MAP3K13: variants seen among roughly 807,000 people sequenced by gnomAD.
MAP3K13 encodes the protein mitogen-activated protein kinase kinase kinase 13, also known as leucine zipper-bearing kinase.
A neutral mutation model predicts 104.0 loss-of-function variants in MAP3K13; 52 were observed. The observed-to-expected ratio is 0.50, with a 90% CI of 0.40 to 0.63. MAP3K13 has a LOEUF of 0.63. Among genes scored for constraint, MAP3K13 ranks in the 20% least tolerant of loss-of-function variants. The pLI, the probability that MAP3K13 is intolerant of heterozygous loss-of-function variation, is 0.00. For synonymous variants in MAP3K13, 394 were observed against 442.2 expected (o/e 0.89, Z 1.37); for missense variants, 914 against 1,218.5 (o/e 0.75, Z 3.72).
chr3:185,416,213 T>C (rs1234071975), intron 1 of MAP3K13, among the ~76,000 whole-genome samples: 1 of 152,144 alleles, frequency 6.6e-6, no homozygotes, highest in Non-Finnish European at 1.5e-5. Context: ...CCCCTCTTCT[T>C]AGCTCTCTTT....
At chr3:185,338,884 T>C (rs1577439984) in intron 2 of MAP3K13, among the ~76,000 whole-genome samples, 1 of 152,178 alleles carries the variant, frequency 6.6e-6, no homozygotes. Context: ...TTCTGGCCTG[T>C]TTAAAGCAAA....
chr3:185,333,758 TAGAA>T (rs1438435748), intron 2 of MAP3K13, among the ~76,000 whole-genome samples: 2 of 151,426 alleles, frequency 1.3e-5, no homozygotes, highest in African/African-American at 2.4e-5. Context: ...ATGAAAAAAA[TAGAA>T]AGAAAAAGAG....
At chr3:185,335,082 G>A (rs1722433043) in intron 2 of MAP3K13, among the ~76,000 whole-genome samples, 1 of 150,390 alleles carries the variant, frequency 6.6e-6, no homozygotes. Context: ...GATTTCTTGA[G>A]AAGGACACTA....
chr3:185,416,930 A>C (rs1713816425), intron 1 of MAP3K13, among the ~76,000 whole-genome samples: 1 of 151,946 alleles, frequency 6.6e-6, no homozygotes, highest in Non-Finnish European at 1.5e-5. Context: ...GCTATAAACC[A>C]AATTCTTTAA....
intron 12 of MAP3K13, among the ~76,000 whole-genome samples, chr3:185,478,386 C>G (rs1019287949): frequency 2.0e-5 from 3 of 152,182 alleles, no homozygotes; most frequent in Non-Finnish European, 4.4e-5. Flanking sequence ...CAGGAATTCC[C>G]TACAAACCAA....
intron 13 of MAP3K13, among the ~76,000 whole-genome samples, 153 bp downstream of exon 13, chr3:185,480,682 G>A (rs889832238): frequency 1.3e-4 from 20 of 152,168 alleles, no homozygotes; most frequent in Admixed American, 5.9e-4. Flanking sequence ...AACTACCTGA[G>A]ACTGGGTAAT....
chr3:185,293,257 A>G (rs1720808964), intron 2 of MAP3K13, among the ~76,000 whole-genome samples: 1 of 151,848 alleles, frequency 6.6e-6, no homozygotes, highest in African/African-American at 2.4e-5. Flanking sequence ...AGCTGGGACT[A>G]CAGGCACTCG....
At chr3:185,386,826 C>T (rs1462128998) in intron 1 of MAP3K13, among the ~76,000 whole-genome samples, 2 of 152,160 alleles carry the variant, frequency 1.3e-5, no homozygotes, top group African/African-American at 4.8e-5. Flanking sequence ...CACATGTTCT[C>T]ACTTATAAGT....
chr3:185,368,453 G>T (rs907821139), intron 1 of MAP3K13, among the ~76,000 whole-genome samples: 3 of 152,188 alleles, frequency 2.0e-5, no homozygotes, highest in African/African-American at 7.2e-5. Flanking sequence ...AAAGAGTAAG[G>T]TAAGTTAGAT....
intron 2 of MAP3K13, among the ~76,000 whole-genome samples, chr3:185,309,251 C>G (rs543922701): frequency 2.0e-5 from 3 of 152,204 alleles, no homozygotes; most frequent in African/African-American, 7.2e-5. Flanking sequence ...CTCTGTGATC[C>G]CAGCACTTTG....
At chr3:185,459,156 T>C (rs1716945896) in intron 7 of MAP3K13, among the ~76,000 whole-genome samples, 1 of 152,140 alleles carries the variant, frequency 6.6e-6, no homozygotes, top group South Asian at 2.1e-4. Flanking sequence ...ACACCCCAAC[T>C]GTGAGGTTAG....
At chr3:185,434,322 A>G (rs557450767) in intron 2 of MAP3K13, among the ~76,000 whole-genome samples, 148 of 152,362 alleles carry the variant, frequency 9.7e-4, no homozygotes, top group African/African-American at 3.5e-3. Flanking sequence ...AAATGTGAGC[A>G]CCGGCAGTTA....
At chr3:185,455,147 G>A (rs866860726) in intron 7 of MAP3K13, among the ~76,000 whole-genome samples, 6 of 86,976 alleles carry the variant, frequency 6.9e-5, no homozygotes, top group African/African-American at 2.5e-4. Flanking sequence ...TGATATATAT[G>A]TGAGATATAT....
chr3:185,405,816 A>G (rs779500508), intron 1 of MAP3K13, among the ~76,000 whole-genome samples: 50 of 152,212 alleles, frequency 3.3e-4, no homozygotes, highest in Non-Finnish European at 6.8e-4. Flanking sequence ...ACTAGTTTGT[A>G]TGCTCCTTGA....
intron 1 of MAP3K13, among the ~76,000 whole-genome samples, chr3:185,406,040 G>A (rs1560089436): frequency 6.6e-6 from 1 of 152,204 alleles, no homozygotes; most frequent in Non-Finnish European, 1.5e-5. Context: ...AATAAAAGCA[G>A]GGCTGTCAGT....
At chr3:185,454,955 TATATATATGAG>T (rs1716330669) in intron 7 of MAP3K13, among the ~76,000 whole-genome samples, 2 of 89,544 alleles carry the variant, frequency 2.2e-5, no homozygotes, top group South Asian at 6.7e-4. Context: ...ATATATATGA[TATATATATGAG>T]ATATATATAT....
At chr3:185,452,218 CTTTTAT>C (rs1345063097) in intron 7 of MAP3K13, among the ~76,000 whole-genome samples, 2 of 151,892 alleles carry the variant, frequency 1.3e-5, no homozygotes, top group Non-Finnish European at 2.9e-5. Context: ...CATCTCAAAA[CTTTTAT>C]TTTTATTTTT....
intron 2 of MAP3K13, among the ~76,000 whole-genome samples, chr3:185,436,359 AG>A (rs548108086): frequency 6.6e-6 from 1 of 152,336 alleles, no homozygotes; most frequent in South Asian, 2.1e-4. Context: ...TATATAAGTA[AG>A]CATATCATGA....
At chr3:185,379,376 A>G (rs939316404) in intron 1 of MAP3K13, among the ~76,000 whole-genome samples, 3 of 152,200 alleles carry the variant, frequency 2.0e-5, no homozygotes, top group Non-Finnish European at 1.5e-5. Flanking sequence ...GAGAGATTGA[A>G]GGATGGCTCC....
Sources: gnomAD v4.1 joint callset for allele counts (sites outside exome capture counted in the v4.1 genomes callset) on GRCh38, gnomAD v4.1.1 for gene constraint, MANE v1.5 for transcripts, NCBI Gene and HGNC (gene_info 2026-07-23, HGNC 2026-07-21) for gene names.